Variants in CD82 observed in about 807,000 individuals in gnomAD.
The protein encoded by CD82 is CD82 antigen.
A neutral mutation model predicts 37.4 loss-of-function variants in CD82; 36 were observed. The ratio of observed to expected loss-of-function variants is 0.96; its 90% confidence interval spans 0.74 to 1.27. The LOEUF is 1.27. CD82 is among the 50% of genes most tolerant of loss of function. CD82 has a pLI of 0.00. For synonymous variants in CD82, 158 were observed against 137.4 expected (o/e 1.15, Z -1.05); for missense variants, 340 against 347.0 (o/e 0.98, Z 0.16).
intron 1 of CD82, among the ~76,000 whole-genome samples, chr11:44,569,657 G>A (rs1852787559): frequency 6.6e-6 from 1 of 152,122 alleles, no homozygotes; most frequent in Admixed American, 6.5e-5. Context: ...CAACACAGAG[G>A]AGCTGGGCAG....
chr11:44,598,918 G>T (rs1285429972), intron 3 of CD82, among the ~76,000 whole-genome samples: 1 of 152,196 alleles, frequency 6.6e-6, no homozygotes, highest in Non-Finnish European at 1.5e-5. Flanking sequence ...CCCAGTCCAG[G>T]CCCCCACTAA....
intron 2 of CD82, among the ~76,000 whole-genome samples, chr11:44,591,178 A>G (rs1177737466): frequency 1.3e-5 from 2 of 152,066 alleles, no homozygotes; most frequent in African/African-American, 2.4e-5. Context: ...CTCTCATTTC[A>G]GCCTCTGGAC....
chr11:44,589,938 A>ATT (rs1853115714), intron 2 of CD82, among the ~76,000 whole-genome samples: 1 of 151,950 alleles, frequency 6.6e-6, no homozygotes, highest in Non-Finnish European at 1.5e-5. Context: ...GGTTTACACC[A>ATT]TTCTCCTGCC....
intron 2 of CD82, among the ~76,000 whole-genome samples, 193 bp from the exon 3 acceptor site, chr11:44,594,450 A>T (rs1447141128): frequency 6.6e-6 from 1 of 152,040 alleles, no homozygotes; most frequent in Non-Finnish European, 1.5e-5. Flanking sequence ...ACTGCCAAGC[A>T]TCAAGTGCCT....
chr11:44,575,998 A>C lies in CD82; in HGVS notation c.-103+10262A>C, dbSNP rs79149554. On this transcript the variant is annotated intron_variant, in intron 1 of 9. Coordinates refer to ENST00000227155, the MANE Select transcript of CD82 (RefSeq NM_002231.4). ...GCGGAAGCAGAGATGCCTTCCCTGA[A>C]CACTGCACCGGCCCCAAGTGAGAGG... Among the ~76,000 whole-genome samples, 1,275 of 152,284 alleles carry C rather than the reference A, an allele frequency of 8.4e-3. 14 individuals carry two copies. The highest frequency in any genetic ancestry group is 0.029 in the African/African-American group (1,195 of 41,544).
chr11:44,571,823 C>T (rs1852818775), intron 1 of CD82, among the ~76,000 whole-genome samples: 1 of 152,176 alleles, frequency 6.6e-6, no homozygotes, highest in African/African-American at 2.4e-5. Context: ...GATCCTCCAG[C>T]CTTGGCCTCC....
chr11:44,609,871 A>G (rs1303647714), intron 6 of CD82, among the ~76,000 whole-genome samples: 4 of 152,182 alleles, frequency 2.6e-5, no homozygotes. Flanking sequence ...CACTTGGGCT[A>G]GAATCTCTGA....
intron 1 of CD82, among the ~76,000 whole-genome samples, chr11:44,578,301 C>T (rs546293376): frequency 2.7e-4 from 41 of 152,164 alleles, no homozygotes; most frequent in Admixed American, 4.6e-4. Context: ...CTCTGAGCTC[C>T]TATATTCCTG....
chr11:44,604,189 C>T (rs1853354759), intron 4 of CD82, among the ~76,000 whole-genome samples: 1 of 152,206 alleles, frequency 6.6e-6, no homozygotes, highest in African/African-American at 2.4e-5. Context: ...TCCCCACCCC[C>T]AAATGTCAGA....
In CD82 at chr11:44,619,269, G is replaced by A. The variant is rs1422229432; in HGVS notation, c.*143G>A. The A allele has an allele frequency of 2.9e-5, 20 of 682,720 alleles. No homozygotes were observed. The highest frequency in any genetic ancestry group is 4.7e-5 in the Non-Finnish European group (18 of 380,274). 42.3% of individuals were successfully genotyped at this position (682,720 alleles called of 1,614,324 possible). A position where few individuals can be genotyped will look rare whatever the true frequency, so the allele number is the denominator to read the frequency against. On this transcript the variant is annotated 3_prime_UTR_variant, in exon 10 of 10. Coordinates refer to ENST00000227155, the MANE Select transcript of CD82 (RefSeq NM_002231.4). ...CTGACTGAAAGTAGGGGGCTTTCTG[G>A]GGCCTAGCGATCTCTCCTGGCCTAT...
intron 1 of CD82, among the ~76,000 whole-genome samples, chr11:44,583,651 G>C (rs183416681): frequency 3.0e-4 from 45 of 152,322 alleles, no homozygotes; most frequent in African/African-American, 1.0e-3. Context: ...AATCAGATCT[G>C]AATTTTAATC....
At position 44,600,128 on chromosome 11, in the gene CD82, T is replaced by TC. The variant is rs764433314; in HGVS notation, c.64-26dup. On this transcript the variant is annotated intron_variant, in intron 3 of 9. Coordinates refer to ENST00000227155, the MANE Select transcript of CD82 (RefSeq NM_002231.4). ...AGGGGGAGGGCTATCTGCTCTTGGC[T>TC]CCCCATTAACTGCTCCCTTCTCCTT... 15 of 1,611,656 alleles carry TC rather than the reference T, an allele frequency of 9.3e-6. No homozygotes were observed. In the African/African-American group the frequency reaches 1.9e-4, roughly 20 times the overall value.
chr11:44,602,681 AT>A (rs1018153609), intron 4 of CD82, among the ~76,000 whole-genome samples: 2 of 141,366 alleles, frequency 1.4e-5, no homozygotes, highest in Non-Finnish European at 3.2e-5. Flanking sequence ...TGAAAAAAAA[AT>A]TTTTTTTTCC....
chr11:44,579,048 T>G (rs1852940991), intron 1 of CD82, among the ~76,000 whole-genome samples: 1 of 152,110 alleles, frequency 6.6e-6, no homozygotes, highest in Non-Finnish European at 1.5e-5. Context: ...CTTAGGGGGC[T>G]CAGAATGGCT....
intron 6 of CD82, among the ~76,000 whole-genome samples, chr11:44,613,352 G>T (rs995298194): frequency 1.3e-5 from 2 of 152,250 alleles, no homozygotes; most frequent in Non-Finnish European, 2.9e-5. Flanking sequence ...GGGAGGCCCT[G>T]CCCTCAGCGG....
At chr11:44,605,920 A>G (rs1490937239) in intron 6 of CD82, among the ~76,000 whole-genome samples, 6 of 152,262 alleles carry the variant, frequency 3.9e-5, no homozygotes, top group Non-Finnish European at 7.3e-5. Flanking sequence ...TAATAAAAAC[A>G]TCAGTCTTGT....
At chr11:44,608,158 C>T (rs1853426847) in intron 6 of CD82, 1 of 152,142 alleles carries the variant, frequency 6.6e-6, no homozygotes, top group Admixed American at 6.5e-5. Context: ...ACTAAACATA[C>T]TCTTGATGTG....
intron 3 of CD82, 74 bp from the exon 4 acceptor site, chr11:44,600,084 G>T: frequency 1.3e-6 from 2 of 1,495,004 alleles, no homozygotes; most frequent in Non-Finnish European, 1.9e-6. Flanking sequence ...CCCTGACTTG[G>T]GTTCCAGGGA....
At chr11:44,608,757 G>A (rs989136944) in intron 6 of CD82, among the ~76,000 whole-genome samples, 1 of 152,240 alleles carries the variant, frequency 6.6e-6, no homozygotes, top group Non-Finnish European at 1.5e-5. Flanking sequence ...GTGTCCCTAG[G>A]GAAATAGAAA....
Sources: allele counts gnomAD v4.1 joint callset (sites outside exome capture counted in the v4.1 genomes callset), GRCh38; gene constraint gnomAD v4.1.1; transcripts MANE v1.5; gene names NCBI Gene and HGNC (gene_info 2026-07-23, HGNC 2026-07-21).